INSYN2B: variants seen among roughly 807,000 people sequenced by gnomAD.
INSYN2B encodes protein INSYN2B.
A neutral mutation model predicts 41.2 loss-of-function variants in INSYN2B; 16 were observed. The observed-to-expected ratio is 0.39, with a 90% confidence interval of 0.26 to 0.59. INSYN2B has a LOEUF of 0.59. INSYN2B is among the 20% of genes least tolerant of loss of function. The pLI, the probability that INSYN2B is intolerant of heterozygous loss-of-function variation, is 0.57. For missense variants in INSYN2B, 608 were observed against 646.4 expected, an observed-to-expected ratio of 0.94 and a Z score of 0.64; for synonymous variants, 245 against 244.4, an observed-to-expected ratio of 1.00 and a Z score of -0.02.
At position 169,980,312 on chromosome 5, in the gene INSYN2B, C is replaced by G. The variant is rs1777895104; in HGVS notation, c.-954G>C. 1 of 152,202 alleles carries G rather than the reference C, an allele frequency of 6.6e-6. No homozygotes were observed. The highest frequency in any genetic ancestry group is 6.5e-5 in the Admixed American group (1 of 15,278). 9.4% of individuals were successfully genotyped at this position (152,202 alleles called of 1,614,324 possible). A position where few individuals can be genotyped will look rare whatever the true frequency, so the allele number is the denominator to read the frequency against. ...TGGAATTACCTGCAGAGGATGGTCC[C>G]CCTTCCTTGCACAATGAGCCAGGCT... On this transcript the variant is annotated 5_prime_UTR_variant, in exon 1 of 4. Coordinates refer to ENST00000377365, the MANE Select transcript of INSYN2B (RefSeq NM_001129891.3).
At chr5:169,871,709 G>T (rs750515537) in intron 3 of INSYN2B, among the ~76,000 whole-genome samples, 2 of 152,142 alleles carry the variant, frequency 1.3e-5, no homozygotes, top group Non-Finnish European at 1.5e-5. Context: ...GGGTGGTGGG[G>T]GTGGAGGTGG....
chr5:169,918,575 T>A lies in INSYN2B; in HGVS notation c.-918-33759A>T, dbSNP rs563972175. Among the ~76,000 whole-genome samples, 6 of 152,242 alleles carry A rather than the reference T, an allele frequency of 3.9e-5. No individual in the cohort carries two copies. The South Asian group carries it at 1.2e-3, about 32-fold the overall frequency. On this transcript the variant is annotated intron_variant, in intron 1 of 3. Coordinates refer to ENST00000377365, the MANE Select transcript of INSYN2B (RefSeq NM_001129891.3). Reference sequence around the variant, plus strand: ...ACATGTCCTGAGGGGAAATAAATAATCTTTAGAATATTGTCCAATATGATA... The same window carrying A: ...ACATGTCCTGAGGGGAAATAAATAAACTTTAGAATATTGTCCAATATGATA...
intron 1 of INSYN2B, among the ~76,000 whole-genome samples, chr5:169,949,795 T>C (rs1776588856): frequency 1.3e-5 from 2 of 150,798 alleles, no homozygotes; most frequent in South Asian, 2.1e-4. Flanking sequence ...ACTGAGAAGG[T>C]TGTCACCCTG....
At position 169,883,107 on chromosome 5, in the gene INSYN2B, A is replaced by T; in HGVS notation, c.792T>A (p.Val264=). The T allele has an allele frequency of 6.4e-7, 1 of 1,551,672 alleles. No homozygotes were observed. The highest frequency in any genetic ancestry group is 8.7e-7 in the Non-Finnish European group (1 of 1,146,940). ...KSTSCLNATS[V]ASHTPGTEEL... The stretch of plus-strand genomic sequence containing the variant: ...CCTCTGTGCCTGGTGTGTGGCTGGC[A>T]ACGCTGGTGGCATTTAAGCAGGAGG... The change falls in exon 2 of 4, where the codon GTT becomes GTA. Residue 264 remains valine, a synonymous_variant. Coordinates refer to ENST00000377365, the MANE Select transcript of INSYN2B (RefSeq NM_001129891.3).
In INSYN2B at chr5:169,883,684, C is replaced by T; in HGVS notation, c.215G>A (p.Arg72Lys). 1 of 1,551,048 alleles carries T rather than the reference C, an allele frequency of 6.4e-7. No individual in the cohort carries two copies. The highest frequency in any genetic ancestry group is 1.2e-5 in the South Asian group (1 of 83,968). Residue 72 changes from arginine (R) to lysine (K), a missense_variant, in exon 2 of 4, where the codon AGG (arginine) becomes AAG (lysine). Coordinates refer to ENST00000377365, the MANE Select transcript of INSYN2B (RefSeq NM_001129891.3). ...CGAGTAGGTGGGGGGAAGATGGTGC[C>T]TGGTTGCTTGAGTCTTCCCCATCAC... Reference protein sequence around the residue: ...PAVMGKTQATRHHLPPTYSLS... With the variant: ...PAVMGKTQATKHHLPPTYSLS...
chr5:169,972,563 AGATAGATAGATAGATAGATAGAT>A (rs1201802515), intron 1 of INSYN2B, among the ~76,000 whole-genome samples: 2 of 59,020 alleles, frequency 3.4e-5, no homozygotes, highest in Non-Finnish European at 7.6e-5. Context: ...ATAGATAGAT[AGATAGATAGATAGATAGATAGAT>A]GATAGATAGA....
intron 1 of INSYN2B, among the ~76,000 whole-genome samples, chr5:169,934,135 G>A (rs1775881525): frequency 6.6e-6 from 1 of 152,300 alleles, no homozygotes; most frequent in African/African-American, 2.4e-5. Context: ...GCTGAGGCAG[G>A]GGGTTGAGTG....
At chr5:169,918,884 C>T (rs1194688933) in intron 1 of INSYN2B, among the ~76,000 whole-genome samples, 5 of 152,040 alleles carry the variant, frequency 3.3e-5, no homozygotes, top group South Asian at 2.1e-4. Context: ...CATTCCAGCC[C>T]GGACGACAGA....
intron 1 of INSYN2B, among the ~76,000 whole-genome samples, chr5:169,973,473 A>G (rs1425555781): frequency 1.3e-5 from 2 of 152,154 alleles, no homozygotes; most frequent in Admixed American, 6.5e-5. Flanking sequence ...TTCTACCTTC[A>G]TCCTCACTAC....
intron 1 of INSYN2B, among the ~76,000 whole-genome samples, chr5:169,975,969 G>A (rs752681388): frequency 2.0e-5 from 3 of 152,174 alleles, no homozygotes; most frequent in Admixed American, 1.3e-4. Flanking sequence ...AATTTAAGAT[G>A]GGATGTGTTC....
chr5:169,939,535 T>C (rs931375401), intron 1 of INSYN2B, among the ~76,000 whole-genome samples: 3 of 152,046 alleles, frequency 2.0e-5, no homozygotes, highest in Non-Finnish European at 4.4e-5. Flanking sequence ...TTATTGTCAA[T>C]TATGTGCTGT....
intron 1 of INSYN2B, among the ~76,000 whole-genome samples, chr5:169,972,803 A>G (rs80096788): frequency 0.022 from 3,325 of 152,260 alleles, 119 homozygotes; most frequent in African/African-American, 0.075. Context: ...ATGTTCTCCA[A>G]TGTGGACTAA....
intron 1 of INSYN2B, among the ~76,000 whole-genome samples, chr5:169,907,131 G>A (rs1276271025): frequency 2.0e-5 from 3 of 152,110 alleles, no homozygotes; most frequent in Admixed American, 6.6e-5. Flanking sequence ...AGATATGGCC[G>A]GGGATGCATC....
intron 1 of INSYN2B, among the ~76,000 whole-genome samples, chr5:169,959,789 A>C (rs1340957916): frequency 5.3e-5 from 8 of 152,202 alleles, no homozygotes; most frequent in Admixed American, 5.2e-4. Flanking sequence ...GAGATCTAGA[A>C]GTAGTTCTGT....
Position 169,919,779 on chromosome 5 carries a change from C to T in INSYN2B, c.-918-34963G>A, listed in dbSNP as rs143940471. On this transcript the variant is annotated intron_variant, in intron 1 of 3. Coordinates refer to ENST00000377365, the MANE Select transcript of INSYN2B (RefSeq NM_001129891.3). Reference sequence around the variant, plus strand: ...GGGGGCAACTGGAAGCAGCTAAACCCTTATTCTTCCCTGGAGTATTTGCAT... The same window carrying T: ...GGGGGCAACTGGAAGCAGCTAAACCTTTATTCTTCCCTGGAGTATTTGCAT... 4.0e-3 allele frequency among the ~76,000 whole-genome samples: 608 copies of T among 152,272 alleles called. 3 individuals are homozygous for T. Among genetic ancestry groups the T allele is most frequent in the Middle Eastern group, 0.01 (3 of 294 alleles).
At position 169,883,668 on chromosome 5, in the gene INSYN2B, G is replaced by C. The variant is rs375183051; in HGVS notation, c.231C>G (p.Pro77=). 58 of 1,550,872 alleles carry C rather than the reference G, an allele frequency of 3.7e-5. 1 individual carries two copies. In the African/African-American group the frequency reaches 4.5e-4, roughly 12 times the overall value. The change falls in exon 2 of 4, where the codon CCC becomes CCG. Residue 77 remains proline, a synonymous_variant. Coordinates refer to ENST00000377365, the MANE Select transcript of INSYN2B (RefSeq NM_001129891.3). The stretch of plus-strand genomic sequence containing the variant: ...ACCTGGGGAAGGAGAGCGAGTAGGT[G>C]GGGGGAAGATGGTGCCTGGTTGCTT... ...KTQATRHHLP[P]TYSLSFPRSQ...
chr5:169,877,351 C>A (rs1268364115), intron 3 of INSYN2B, among the ~76,000 whole-genome samples: 2 of 152,138 alleles, frequency 1.3e-5, no homozygotes, highest in Non-Finnish European at 2.9e-5. Flanking sequence ...AGACCTGTGT[C>A]AAAAAGGTCA....
At chr5:169,964,319 G>T (rs1339474737) in intron 1 of INSYN2B, among the ~76,000 whole-genome samples, 1 of 152,124 alleles carries the variant, frequency 6.6e-6, no homozygotes, top group Non-Finnish European at 1.5e-5. Flanking sequence ...AAGTTGCTCC[G>T]CTCCCACCCC....
intron 1 of INSYN2B, among the ~76,000 whole-genome samples, chr5:169,979,807 T>C (rs1777876769): frequency 6.6e-6 from 1 of 152,202 alleles, no homozygotes; most frequent in African/African-American, 2.4e-5. Flanking sequence ...GTAATTTTGA[T>C]TGATCAGTGA....
Sources: gnomAD v4.1 joint callset for allele counts (sites outside exome capture counted in the v4.1 genomes callset) on GRCh38, gnomAD v4.1.1 for gene constraint, MANE v1.5 for transcripts, NCBI Gene and HGNC (gene_info 2026-07-23, HGNC 2026-07-21) for gene names.